ALG13: variants seen among roughly 807,000 people sequenced by gnomAD.
ALG13 encodes UDP-N-acetylglucosamine transferase subunit ALG13.
ALG13 carries 11 observed loss-of-function variants against 87.8 expected under a neutral mutation model. The observed-to-expected ratio is 0.13, with a 90% CI of 0.08 to 0.21. The LOEUF (loss-of-function observed/expected upper bound fraction) is 0.21. Among genes scored for constraint, ALG13 ranks in the 10% least tolerant of loss-of-function variants. The pLI, the probability that ALG13 is intolerant of heterozygous loss-of-function variation, is 1.00. For missense variants in ALG13, 756 were observed against 866.1 expected (o/e 0.87, Z 1.60); for synonymous variants, 320 against 306.3 (o/e 1.04, Z -0.47).
intron 14 of ALG13, 33 bp from the exon 15 acceptor site, chrX:111,724,901 A>C (rs780120026): frequency 1.7e-6 from 2 of 1,201,108 alleles, no homozygotes; most frequent in Admixed American, 4.4e-5. Flanking sequence ...TCTGTGTTGC[A>C]GTATCTTCAT....
chrX:111,740,800 T>C (rs1202483698), intron 23 of ALG13, among the ~76,000 whole-genome samples: 1 of 112,045 alleles, frequency 8.9e-6, no homozygotes, highest in Non-Finnish European at 1.9e-5. Flanking sequence ...AGTGATATTT[T>C]AAAAATTGCT....
In ALG13 at chrX:111,694,654, T is replaced by A. The variant is rs769215301; in HGVS notation, c.383+9551T>A. ...TTGGTTGCAGGACCCTGATAGTCACTGTTGGAATGATGTCTATGAGACGCA... is the reference window on the plus strand; with the variant it reads ...TTGGTTGCAGGACCCTGATAGTCACAGTTGGAATGATGTCTATGAGACGCA... On this transcript the variant is annotated intron_variant, in intron 3 of 26. Coordinates refer to ENST00000394780, the MANE Select transcript of ALG13 (RefSeq NM_001099922.3). Among the ~76,000 whole-genome samples the A allele has an allele frequency of 1.6e-4, 18 of 112,303 alleles. No homozygotes were observed. In the South Asian group the frequency reaches 6.3e-3, roughly 39 times the overall value.
In ALG13 at chrX:111,727,197, C is replaced by A. The variant is rs778063266; in HGVS notation, c.1977-135C>A. The A allele has an allele frequency of 8.4e-5, 76 of 902,572 alleles. No homozygotes were observed. In the African/African-American group the frequency reaches 1.4e-3, roughly 17 times the overall value. The allele number at this position is 902,572 out of a possible 1,213,427, so 74.4% of individuals were successfully genotyped here. On this transcript the variant is annotated intron_variant, in intron 16 of 26. Transcript: ENST00000394780. ...TCATTAATAATAGTTAGCCCTAATGCCAGTATTGCAGAGAGCAGAGCTCTT... is the reference window on the plus strand; with the variant it reads ...TCATTAATAATAGTTAGCCCTAATGACAGTATTGCAGAGAGCAGAGCTCTT...
At chrX:111,694,051 A>T (rs985341283) in intron 3 of ALG13, among the ~76,000 whole-genome samples, 6 of 105,336 alleles carry the variant, frequency 5.7e-5, no homozygotes, top group South Asian at 4.1e-4. Flanking sequence ...TTATTTATTT[A>T]TTTTTTTTTT....
At chrX:111,735,162 A>G (rs754405028) in intron 22 of ALG13, 40 bp downstream of exon 22, 6 of 868,647 alleles carry the variant, frequency 6.9e-6, no homozygotes, top group Non-Finnish European at 9.9e-6. Flanking sequence ...CAATGGCCTG[A>G]ACACAGAAAA....
intron 3 of ALG13, among the ~76,000 whole-genome samples, chrX:111,698,367 T>C (rs1359734762): frequency 8.9e-6 from 1 of 111,876 alleles, no homozygotes; most frequent in East Asian, 2.8e-4. Flanking sequence ...CTATCATTTT[T>C]TATGGTGAGA....
At chrX:111,694,144 C>T (rs750590523) in intron 3 of ALG13, among the ~76,000 whole-genome samples, 8 of 110,468 alleles carry the variant, frequency 7.2e-5, no homozygotes, top group East Asian at 2.8e-4. Flanking sequence ...CTCGGGTTCA[C>T]GCCATTCTTC....
chrX:111,729,842 C>T (rs896324170), intron 19 of ALG13, among the ~76,000 whole-genome samples: 4 of 111,792 alleles, frequency 3.6e-5, no homozygotes, highest in Non-Finnish European at 7.5e-5. Context: ...CATACATGTT[C>T]CCTTAATGTC....
chrX:111,727,282 T>G (rs777133034), intron 16 of ALG13, 50 bp from the exon 17 acceptor site: 1 of 994,223 alleles, frequency 1.0e-6, no homozygotes, highest in South Asian at 2.1e-5. Flanking sequence ...GACTGACTAC[T>G]TAGGTATTAG....
intron 3 of ALG13, among the ~76,000 whole-genome samples, chrX:111,704,625 A>G (rs960229399): frequency 3.6e-5 from 4 of 111,762 alleles, no homozygotes; most frequent in Admixed American, 9.5e-5. Flanking sequence ...AAATGTTCAG[A>G]ATATGGAAAT....
intron 3 of ALG13, chrX:111,690,239 T>G (rs1935890616): frequency 5.3e-6 from 4 of 753,842 alleles, no homozygotes; most frequent in Non-Finnish European, 6.3e-6. Context: ...GTTCTTGATA[T>G]TAATGAGTAA....
At chrX:111,755,587 A>G (rs1435641881) in intron 25 of ALG13, among the ~76,000 whole-genome samples, 2 of 112,642 alleles carry the variant, frequency 1.8e-5, no homozygotes, top group Admixed American at 1.9e-4. Flanking sequence ...TACAAGAAAT[A>G]AACAACCCCA....
At chrX:111,749,644 C>T (rs1030540221) in intron 24 of ALG13, among the ~76,000 whole-genome samples, 17 of 109,467 alleles carry the variant, frequency 1.6e-4, no homozygotes, top group Non-Finnish European at 3.0e-4. Flanking sequence ...ATTTAGGTTG[C>T]GTTTGGTTTC....
At chrX:111,727,920 TC>T in intron 18 of ALG13, 150 bp downstream of exon 18, 1 of 703,333 alleles carries the variant, frequency 1.4e-6, no homozygotes, top group Non-Finnish European at 2.0e-6. Context: ...AGACATTTTC[TC>T]CCAGCTGTTC....
Position 111,713,121 on chromosome X carries a change from A to G in ALG13, c.933-104A>G, listed in dbSNP as rs1186007458. 3 of 494,918 alleles carry G rather than the reference A, an allele frequency of 6.1e-6. No individual in the cohort carries two copies. The East Asian group carries it at 1.1e-4, about 19-fold the overall frequency. 40.8% of individuals were successfully genotyped at this position (494,918 alleles called of 1,213,427 possible). Reference sequence around the variant, plus strand: ...AAACCGGATATTTATATTACTTTATATGAATAAGGTAGGCAACTTAAAAGC... The same window carrying G: ...AAACCGGATATTTATATTACTTTATGTGAATAAGGTAGGCAACTTAAAAGC... On this transcript the variant is annotated intron_variant, in intron 7 of 26. Transcript: ENST00000394780.
In ALG13 at chrX:111,690,037, C is replaced by T. The variant is rs145446865; in HGVS notation, c.383+4934C>T. The T allele has an allele frequency of 8.0e-6, 6 of 746,171 alleles. No individual in the cohort carries two copies. In the East Asian group the frequency reaches 6.1e-4, roughly 76 times the overall value. 61.5% of individuals were successfully genotyped at this position (746,171 alleles called of 1,213,427 possible). On this transcript the variant is annotated intron_variant, in intron 3 of 26. Transcript: ENST00000394780. ...GATTGAATAAATTAAGACTTTAAGA[C>T]AGAATTGTAGACTTTTGGAGTTGGG...
chrX:111,710,083 G>T (rs1333927640), intron 5 of ALG13, among the ~76,000 whole-genome samples: 1 of 108,726 alleles, frequency 9.2e-6, no homozygotes. Flanking sequence ...AGGCTGGAGT[G>T]CAGTGGCAGG....
At chrX:111,683,712 C>A (rs922344327) in intron 2 of ALG13, among the ~76,000 whole-genome samples, 10 of 111,396 alleles carry the variant, frequency 9.0e-5, no homozygotes, top group Non-Finnish European at 9.4e-5. Flanking sequence ...TTATCAATCT[C>A]CTTGCTCTCA....
At chrX:111,681,510 CTTCCCATTA>C (rs1464754739) in intron 1 of ALG13, 1 of 1,017,963 alleles carries the variant, frequency 9.8e-7, no homozygotes, top group Non-Finnish European at 1.3e-6. Flanking sequence ...CCTGTTTCCT[CTTCCCATTA>C]TTCCGGCCGC....
Sources: gnomAD v4.1 joint callset for allele counts (sites outside exome capture counted in the v4.1 genomes callset) on GRCh38, gnomAD v4.1.1 for gene constraint, MANE v1.5 for transcripts, NCBI Gene and HGNC (gene_info 2026-07-23, HGNC 2026-07-21) for gene names.